CTNNA3: variants seen among roughly 807,000 people sequenced by gnomAD.
The protein encoded by CTNNA3 is catenin alpha-3.
Under a neutral mutation model 95.7 loss-of-function variants are expected in CTNNA3, and 76 were observed. The observed-to-expected ratio is 0.79, with a 90% CI of 0.66 to 0.96. The LOEUF is 0.96. CTNNA3 is among the 40% of genes least tolerant of loss of function. The pLI, the probability that CTNNA3 is intolerant of heterozygous loss-of-function variation, is 0.00. For synonymous variants in CTNNA3, 431 were observed against 374.4 expected, an observed-to-expected ratio of 1.15 and a Z score of -1.74; for missense variants, 1,191 against 1,089.8, an observed-to-expected ratio of 1.09 and a Z score of -1.31.
intron 13 of CTNNA3, among the ~76,000 whole-genome samples, chr10:66,126,939 C>A (rs2082853529): frequency 6.6e-6 from 1 of 152,052 alleles, no homozygotes; most frequent in Non-Finnish European, 1.5e-5. Context: ...TAACTGTGGG[C>A]TACATAGTGA....
intron 7 of CTNNA3, among the ~76,000 whole-genome samples, chr10:66,794,484 A>G (rs1012028776): frequency 6.6e-5 from 10 of 152,194 alleles, no homozygotes; most frequent in Non-Finnish European, 1.5e-4. Flanking sequence ...AAAAATGTAC[A>G]TACCTTAATT....
At chr10:66,202,586 T>G (rs951641383) in intron 13 of CTNNA3, among the ~76,000 whole-genome samples, 1 of 152,188 alleles carries the variant, frequency 6.6e-6, no homozygotes, top group Non-Finnish European at 1.5e-5. Flanking sequence ...TTTGCTCCGG[T>G]TTTTCTTTTA....
At chr10:65,966,132 C>A (rs2077959686) in intron 17 of CTNNA3, among the ~76,000 whole-genome samples, 1 of 152,106 alleles carries the variant, frequency 6.6e-6, no homozygotes. Context: ...TTTTATCATA[C>A]TCCATTTCTG....
At chr10:67,500,762 T>G (rs1401567514) in intron 5 of CTNNA3, among the ~76,000 whole-genome samples, 3 of 152,218 alleles carry the variant, frequency 2.0e-5, no homozygotes, top group African/African-American at 7.2e-5. Context: ...TGCTTTTTTT[T>G]GCTTTCCATT....
At chr10:67,708,982 A>G (rs1042510182) in intron 1 of CTNNA3, among the ~76,000 whole-genome samples, 1 of 151,470 alleles carries the variant, frequency 6.6e-6, no homozygotes, top group African/African-American at 2.4e-5. Context: ...TATATCTTAT[A>G]TATATGTATG....
At chr10:66,614,867 C>T (rs928760140) in intron 10 of CTNNA3, among the ~76,000 whole-genome samples, 6 of 151,896 alleles carry the variant, frequency 4.0e-5, no homozygotes, top group South Asian at 2.1e-4. Flanking sequence ...GGAGGGTTTG[C>T]CTAATTGAAT....
chr10:66,245,610 T>A (rs1188004337), intron 13 of CTNNA3, among the ~76,000 whole-genome samples: 1 of 152,134 alleles, frequency 6.6e-6, no homozygotes, highest in Admixed American at 6.5e-5. Context: ...AGGCAGGGTA[T>A]CCTGATGAGT....
At chr10:67,590,386 C>A (rs1302651048) in intron 3 of CTNNA3, among the ~76,000 whole-genome samples, 1 of 151,986 alleles carries the variant, frequency 6.6e-6, no homozygotes, top group Non-Finnish European at 1.5e-5. Flanking sequence ...TTCTATACAC[C>A]ACCACCACCA....
intron 7 of CTNNA3, among the ~76,000 whole-genome samples, chr10:66,924,700 AAAGTT>A (rs1256881001): frequency 6.6e-6 from 1 of 152,254 alleles, no homozygotes; most frequent in Non-Finnish European, 1.5e-5. Flanking sequence ...AAGTACAAAT[AAAGTT>A]AATATTATTC....
In CTNNA3 at chr10:66,639,657, C is replaced by A. The variant is rs186710629; in HGVS notation, c.1282-17873G>T. On this transcript the variant is annotated intron_variant, in intron 9 of 17. Transcript: ENST00000433211. Reference sequence around the variant, plus strand: ...TAACTCTCCACTCTTTCATATTCTCCAGTAAAAAGATAAAACTTGAAGTAT... The same window carrying A: ...TAACTCTCCACTCTTTCATATTCTCAAGTAAAAAGATAAAACTTGAAGTAT... 1.7e-3 allele frequency among the ~76,000 whole-genome samples: 252 copies of A among 152,108 alleles called. 2 individuals carry two copies. The highest frequency in any genetic ancestry group is 5.7e-3 in the African/African-American group (237 of 41,508).
chr10:66,061,951 T>C (rs1052533772), intron 15 of CTNNA3, among the ~76,000 whole-genome samples: 1 of 152,152 alleles, frequency 6.6e-6, no homozygotes, highest in African/African-American at 2.4e-5. Context: ...AAGAACTGAT[T>C]GGGTCTTATC....
intron 7 of CTNNA3, among the ~76,000 whole-genome samples, chr10:67,078,193 T>C (rs1018743279): frequency 3.9e-5 from 6 of 152,192 alleles, no homozygotes; most frequent in Admixed American, 3.9e-4. Context: ...GGTTCTTTGC[T>C]TGATCTCAGT....
intron 7 of CTNNA3, among the ~76,000 whole-genome samples, chr10:66,953,054 G>A (rs1848621045): frequency 6.6e-6 from 1 of 152,064 alleles, no homozygotes. Flanking sequence ...AGCCTACTGA[G>A]AAACAACTCT....
chr10:67,191,581 CATTGATGAAAAAA>C (rs1863120984), intron 6 of CTNNA3, among the ~76,000 whole-genome samples: 1 of 151,622 alleles, frequency 6.6e-6, no homozygotes, highest in African/African-American at 2.4e-5. Context: ...AATTACAAGG[CATTGATGAAAAAA>C]ATTGAAGACA....
chr10:67,199,373 T>C (rs1242552353), intron 6 of CTNNA3, among the ~76,000 whole-genome samples: 1 of 151,928 alleles, frequency 6.6e-6, no homozygotes, highest in African/African-American at 2.4e-5. Context: ...TTTGTTGTTG[T>C]TGTTGTTGTT....
intron 9 of CTNNA3, among the ~76,000 whole-genome samples, chr10:66,744,885 A>T (rs1180519324): frequency 6.6e-6 from 1 of 152,202 alleles, no homozygotes. Flanking sequence ...ATAAATTGTA[A>T]TAAAATATTT....
At chr10:66,358,566 T>A (rs1001016383) in intron 12 of CTNNA3, among the ~76,000 whole-genome samples, 1 of 152,194 alleles carries the variant, frequency 6.6e-6, no homozygotes, top group Non-Finnish European at 1.5e-5. Context: ...CAGTCCCACG[T>A]ATGACTTACT....
At chr10:66,877,768 C>T (rs1844681267) in intron 7 of CTNNA3, among the ~76,000 whole-genome samples, 1 of 152,048 alleles carries the variant, frequency 6.6e-6, no homozygotes, top group Non-Finnish European at 1.5e-5. Context: ...TAGGAAACTC[C>T]AACCTTAGGA....
chr10:67,287,325 G>A (rs748276230), intron 5 of CTNNA3, among the ~76,000 whole-genome samples: 3 of 152,066 alleles, frequency 2.0e-5, no homozygotes, highest in Non-Finnish European at 2.9e-5. Context: ...GCAACAGAGT[G>A]AGACTCCATC....
Sources: allele counts gnomAD v4.1 joint callset (sites outside exome capture counted in the v4.1 genomes callset), GRCh38; gene constraint gnomAD v4.1.1; transcripts MANE v1.5; gene names NCBI Gene and HGNC (gene_info 2026-07-23, HGNC 2026-07-21).